Variants in PTPN21 observed in about 807,000 individuals in gnomAD.
PTPN21 encodes the protein protein tyrosine phosphatase non-receptor type 21.
A neutral mutation model predicts 131.8 loss-of-function variants in PTPN21; 77 were observed. The observed-to-expected ratio is 0.58, with a 90% confidence interval of 0.49 to 0.71. PTPN21 has a LOEUF of 0.71. Among genes scored for constraint, PTPN21 ranks in the 30% least tolerant of loss-of-function variants. The pLI, the probability that PTPN21 is intolerant of heterozygous loss-of-function variation, is 0.00. For missense variants in PTPN21, 1,552 were observed against 1,527.1 expected (o/e 1.02, Z -0.27); for synonymous variants, 715 against 621.3 (o/e 1.15, Z -2.24).
intron 13 of PTPN21, among the ~76,000 whole-genome samples, chr14:88,474,131 C>CCAAAAAAAAAAAAAAAA (rs1555382614): frequency 1.3e-4 from 6 of 46,678 alleles, no homozygotes; most frequent in African/African-American, 3.9e-4. Flanking sequence ...AGCTGAAGTC[C>CCAAAAAAAAAAAAAAAA]AAAAAAAAAA....
chr14:88,511,756 C>T (rs550780572), intron 3 of PTPN21, among the ~76,000 whole-genome samples: 15 of 152,246 alleles, frequency 9.9e-5, no homozygotes, highest in East Asian at 3.9e-4. Context: ...AGAAATTGCA[C>T]GTTTTGATTC....
intron 12 of PTPN21, among the ~76,000 whole-genome samples, chr14:88,483,021 G>A (rs908808525): frequency 2.6e-5 from 4 of 151,838 alleles, no homozygotes; most frequent in African/African-American, 9.7e-5. Context: ...GACCATCCTG[G>A]CTAACACGGT....
At chr14:88,494,504 T>TA (rs1327647981) in intron 10 of PTPN21, among the ~76,000 whole-genome samples, 3 of 151,720 alleles carry the variant, frequency 2.0e-5, no homozygotes. Flanking sequence ...CCTGCCTCTA[T>TA]AAAAAACACC....
At chr14:88,497,777 TCAAA>T (rs927303514) in intron 8 of PTPN21, among the ~76,000 whole-genome samples, 25 of 148,740 alleles carry the variant, frequency 1.7e-4, no homozygotes, top group African/African-American at 4.0e-4. Flanking sequence ...AGACACTGCC[TCAAA>T]CAAACAAACA....
In PTPN21 at chr14:88,501,383, A is replaced by C. The variant is rs777642968; in HGVS notation, c.588-15T>G. The C allele has an allele frequency of 4.7e-5, 76 of 1,606,082 alleles. No homozygotes were observed. Among genetic ancestry groups the C allele is most frequent in the Admixed American group, 4.2e-4 (25 of 59,920 alleles). ...CTGTGAGCCCTCTGCAACCCAAAAGAAGCAAGATTGTTCACAAAGCAAGCT... is the reference window on the plus strand; with the variant it reads ...CTGTGAGCCCTCTGCAACCCAAAAGCAGCAAGATTGTTCACAAAGCAAGCT... On this transcript the variant is annotated splice_polypyrimidine_tract_variant and intron_variant, in intron 6 of 18. Transcript: ENST00000556564.
At chr14:88,547,184 C>T (rs189764354) in intron 2 of PTPN21, among the ~76,000 whole-genome samples, 1 of 152,038 alleles carries the variant, frequency 6.6e-6, no homozygotes, top group African/African-American at 2.4e-5. Flanking sequence ...ACACATTCCA[C>T]ACCTGGTATA....
At chr14:88,511,909 G>T (rs1178023665) in intron 3 of PTPN21, among the ~76,000 whole-genome samples, 1 of 151,980 alleles carries the variant, frequency 6.6e-6, no homozygotes, top group Non-Finnish European at 1.5e-5. Context: ...AATAAATTAG[G>T]TGACCCCATT....
rs771900725 is a variant in PTPN21 at position 88,480,189 on chromosome 14, C to G, written c.1242G>C (p.Pro414=). Residue 414 remains proline, a synonymous_variant, in exon 13 of 19, where the codon CCG becomes CCC. Transcript: ENST00000556564. ...CGGTGATGCTAGGGTTGGACGACAT[C>G]GGCGAGGGCTGCAAGTAGGGCTGAG... ...NNPQPYLQPS[P]MSSNPSITGS... The G allele has an allele frequency of 3.7e-6, 6 of 1,614,088 alleles. No homozygotes were observed. Among genetic ancestry groups the G allele is most frequent in the Admixed American group, 3.3e-5 (2 of 60,012 alleles).
At chr14:88,539,062 A>C (rs1335170104) in intron 2 of PTPN21, among the ~76,000 whole-genome samples, 1 of 151,036 alleles carries the variant, frequency 6.6e-6, no homozygotes, top group Admixed American at 6.6e-5. Context: ...ATAGGATTCT[A>C]TCTTTGGGAA....
Position 88,497,308 on chromosome 14 carries a change from G to C in PTPN21, c.765-18C>G. ...CATGCCACCTAAAGAACAGCAAATA[G>C]AGAACTGGCAATGTGAGTGCCCATG... On this transcript the variant is annotated intron_variant, in intron 8 of 18. Transcript: ENST00000556564. 2 of 1,593,132 alleles carry C rather than the reference G, an allele frequency of 1.3e-6. No homozygotes were observed. The highest frequency in any genetic ancestry group is 1.7e-6 in the Non-Finnish European group (2 of 1,161,054).
At chr14:88,551,456 G>A (rs915211987) in intron 1 of PTPN21, 2 of 152,234 alleles carry the variant, frequency 1.3e-5, no homozygotes, top group African/African-American at 2.4e-5. Context: ...TCCTCCCCTT[G>A]GGAAGAGCAC....
Position 88,523,651 on chromosome 14 carries a change from ACTAT to A in PTPN21, c.181-6394_181-6391del, listed in dbSNP as rs139400730. ...ATTTAAAGTGGAAAGAAGTAGTAAA[ACTAT>A]CTATGTACAGATGACATAATCCTAG... On this transcript the variant is annotated intron_variant, in intron 2 of 18. Transcript: ENST00000556564. Among the ~76,000 whole-genome samples, 19 of 151,946 alleles carry A rather than the reference ACTAT, an allele frequency of 1.3e-4. No individual in the cohort carries two copies. In the East Asian group the frequency reaches 3.3e-3, roughly 26 times the overall value.
At chr14:88,542,991 A>AC (rs1256762720) in intron 2 of PTPN21, among the ~76,000 whole-genome samples, 2 of 152,240 alleles carry the variant, frequency 1.3e-5, no homozygotes, top group African/African-American at 4.8e-5. Flanking sequence ...CTTTTACTTT[A>AC]CATATATATC....
chr14:88,480,558 T>G (rs2077638995), intron 12 of PTPN21, among the ~76,000 whole-genome samples: 1 of 152,114 alleles, frequency 6.6e-6, no homozygotes, highest in African/African-American at 2.4e-5. Flanking sequence ...TCTGCCTACT[T>G]AAGGGGTGGC....
intron 2 of PTPN21, among the ~76,000 whole-genome samples, chr14:88,521,045 CTAT>C (rs2078383051): frequency 6.6e-6 from 1 of 151,964 alleles, no homozygotes; most frequent in African/African-American, 2.4e-5. Context: ...GAGGGTCTCA[CTAT>C]GTTGCCCAGG....
At chr14:88,522,183 T>C (rs1055544716) in intron 2 of PTPN21, among the ~76,000 whole-genome samples, 1 of 152,010 alleles carries the variant, frequency 6.6e-6, no homozygotes, top group African/African-American at 2.4e-5. Context: ...TCCCAGCACT[T>C]TGGGAGGCTG....
intron 2 of PTPN21, among the ~76,000 whole-genome samples, chr14:88,528,821 C>G (rs527942080): frequency 6.6e-6 from 1 of 152,324 alleles, no homozygotes; most frequent in Admixed American, 6.5e-5. Flanking sequence ...TGACTATCAG[C>G]AGCATGAAAA....
At chr14:88,485,403 T>G (rs1217731477) in intron 11 of PTPN21, among the ~76,000 whole-genome samples, 1 of 152,116 alleles carries the variant, frequency 6.6e-6, no homozygotes, top group Non-Finnish European at 1.5e-5. Flanking sequence ...AAAATCTGCA[T>G]CTAAAAAGCT....
chr14:88,498,814 G>C (rs770231763), intron 8 of PTPN21, among the ~76,000 whole-genome samples: 8 of 151,990 alleles, frequency 5.3e-5, no homozygotes, highest in Non-Finnish European at 1.2e-4. Flanking sequence ...TATCGTATTA[G>C]CTTTTATATG....
Sources: gnomAD v4.1 joint callset for allele counts (sites outside exome capture counted in the v4.1 genomes callset) on GRCh38, gnomAD v4.1.1 for gene constraint, MANE v1.5 for transcripts, NCBI Gene and HGNC (gene_info 2026-07-23, HGNC 2026-07-21) for gene names.